SNAP23: variants seen among roughly 807,000 people sequenced by gnomAD.
The protein encoded by SNAP23 is synaptosomal-associated protein 23.
Under a neutral mutation model 29.0 loss-of-function variants are expected in SNAP23, and 11 were observed. That is an observed-to-expected ratio of 0.38 (90% CI 0.24 to 0.63). SNAP23 has a LOEUF of 0.63. SNAP23 is among the 20% of genes least tolerant of loss of function. SNAP23 has a pLI of 0.58. For missense variants in SNAP23, 220 were observed against 253.9 expected (o/e 0.87, Z 0.91); for synonymous variants, 60 against 82.9 (o/e 0.72, Z 1.50).
rs184339363 is a variant in SNAP23, at chr15:42,501,275, A to C, written c.-15+5562A>C. Reference sequence around the variant, plus strand: ...CACACACACATTATATTCCTGCCTCACCACTGAAGCCTTACATTGTGGCTT... The same window carrying C: ...CACACACACATTATATTCCTGCCTCCCCACTGAAGCCTTACATTGTGGCTT... On this transcript the variant is annotated intron_variant, in intron 1 of 7. Coordinates refer to ENST00000249647, the MANE Select transcript of SNAP23 (RefSeq NM_003825.4). Among the ~76,000 whole-genome samples, 216 of 152,330 alleles carry C rather than the reference A, an allele frequency of 1.4e-3. 1 individual carries two copies. Among genetic ancestry groups the C allele is most frequent in the Middle Eastern group, 0.01 (3 of 294 alleles).
intron 5 of SNAP23, chr15:42,521,624 A>G: frequency 6.6e-7 from 1 of 1,525,006 alleles, no homozygotes; most frequent in Non-Finnish European, 8.8e-7. Context: ...ATTTAACATC[A>G]GAAGCCGGGC....
intron 5 of SNAP23, among the ~76,000 whole-genome samples, chr15:42,525,451 C>CT (rs1158969519): frequency 0.012 from 565 of 47,090 alleles, 190 homozygotes; most frequent in African/African-American, 0.034. Flanking sequence ...ATCCAGTCTT[C>CT]TTTTTTTTTT....
intron 6 of SNAP23, among the ~76,000 whole-genome samples, chr15:42,529,069 A>C (rs8027207): frequency 0.047 from 7,213 of 152,286 alleles, 571 homozygotes; most frequent in African/African-American, 0.16. Flanking sequence ...ATCTGTAACG[A>C]GCCAGAGAGT....
chr15:42,512,926 G>C, intron 2 of SNAP23, 29 bp from the exon 3 acceptor site: 1 of 1,575,866 alleles, frequency 6.3e-7, no homozygotes, highest in Non-Finnish European at 8.7e-7. Flanking sequence ...ACATATTTTG[G>C]AATGCTAAAA....
chr15:42,515,393 G>A (rs1256102783), intron 5 of SNAP23, 39 bp downstream of exon 5: 2 of 1,264,480 alleles, frequency 1.6e-6, no homozygotes, highest in Admixed American at 3.6e-5. Context: ...AATAAGTAAT[G>A]AGAGTACCCC....
At chr15:42,499,261 G>T (rs1595513432) in intron 1 of SNAP23, among the ~76,000 whole-genome samples, 1 of 152,082 alleles carries the variant, frequency 6.6e-6, no homozygotes, top group African/African-American at 2.4e-5. Context: ...AGAGACGGAC[G>T]GGGTTTCTCC....
chr15:42,531,028 G>T (rs943272858), intron 7 of SNAP23, among the ~76,000 whole-genome samples: 1 of 152,162 alleles, frequency 6.6e-6, no homozygotes, highest in African/African-American at 2.4e-5. Context: ...ATCCAGATGA[G>T]ATTCTATGAT....
rs2057315127 is a variant in SNAP23, at chr15:42,506,096, C to T, written c.-14-5737C>T. Among the ~76,000 whole-genome samples, 2 of 150,328 alleles carry T rather than the reference C, an allele frequency of 1.3e-5. 1 individual carries two copies. Among genetic ancestry groups the T allele is most frequent in the South Asian group, 4.2e-4 (2 of 4,742 alleles). ...GAGTAGCTGGGACTACAGGCGCCCACCACCACACCTGGCTAATTTTTGTAT... is the reference window on the plus strand; with the variant it reads ...GAGTAGCTGGGACTACAGGCGCCCATCACCACACCTGGCTAATTTTTGTAT... On this transcript the variant is annotated intron_variant, in intron 1 of 7. Coordinates refer to ENST00000249647, the MANE Select transcript of SNAP23 (RefSeq NM_003825.4).
At chr15:42,499,494 T>A (rs1434385821) in intron 1 of SNAP23, among the ~76,000 whole-genome samples, 2 of 152,198 alleles carry the variant, frequency 1.3e-5, no homozygotes, top group Non-Finnish European at 1.5e-5. Context: ...ACCACCATCA[T>A]AATTTTTGCC....
intron 4 of SNAP23, among the ~76,000 whole-genome samples, chr15:42,514,400 C>T (rs1179393551): frequency 6.7e-6 from 1 of 149,302 alleles, no homozygotes; most frequent in Non-Finnish European, 1.5e-5. Flanking sequence ...CCGCCCACGT[C>T]GGCCTCCCGA....
chr15:42,493,535 C>A (rs1176869994), upstream of SNAP23, among the ~76,000 whole-genome samples: 1 of 152,042 alleles, frequency 6.6e-6, no homozygotes, highest in African/African-American at 2.4e-5. Context: ...GGAATTATAT[C>A]AATGACCATC....
At chr15:42,509,230 C>G (rs746863635) in intron 1 of SNAP23, among the ~76,000 whole-genome samples, 10 of 152,082 alleles carry the variant, frequency 6.6e-5, no homozygotes, top group Non-Finnish European at 1.5e-4. Context: ...TATGATAAAG[C>G]TTAAGACTCA....
intron 6 of SNAP23, 108 bp from the exon 7 acceptor site, chr15:42,529,567 C>A: frequency 3.6e-6 from 4 of 1,121,206 alleles, no homozygotes; most frequent in Non-Finnish European, 5.1e-6. Context: ...TCTTTTGGAT[C>A]TTATACTTGC....
chr15:42,494,129 CAA>C (rs2057195638), upstream of SNAP23, among the ~76,000 whole-genome samples: 1 of 151,928 alleles, frequency 6.6e-6, no homozygotes, highest in African/African-American at 2.4e-5. Flanking sequence ...ATCAAAAAAA[CAA>C]AAACAAAAAA....
At chr15:42,506,225 G>A (rs565573638) in intron 1 of SNAP23, among the ~76,000 whole-genome samples, 97 of 151,904 alleles carry the variant, frequency 6.4e-4, no homozygotes, top group African/African-American at 2.2e-3. Flanking sequence ...GATTATAGGC[G>A]TGAGCCACTG....
intron 7 of SNAP23, among the ~76,000 whole-genome samples, chr15:42,531,131 G>A (rs2057560904): frequency 6.6e-6 from 1 of 152,144 alleles, no homozygotes; most frequent in Admixed American, 6.5e-5. Context: ...TTGATTACAG[G>A]ATGCATCCCA....
chr15:42,508,554 T>TCC (rs2057333693), intron 1 of SNAP23, among the ~76,000 whole-genome samples: 3 of 152,244 alleles, frequency 2.0e-5, no homozygotes, highest in East Asian at 3.9e-4. Context: ...AAGAAAAAAA[T>TCC]ATTAAGCAGA....
chr15:42,496,330 A>G (rs2057219454), intron 1 of SNAP23, among the ~76,000 whole-genome samples: 1 of 152,176 alleles, frequency 6.6e-6, no homozygotes, highest in East Asian at 1.9e-4. Flanking sequence ...TGGGAGAGGA[A>G]AAAAAAGTCA....
upstream of SNAP23, chr15:42,492,876 A>G (rs2057185317): frequency 6.6e-6 from 1 of 152,212 alleles, no homozygotes; most frequent in Non-Finnish European, 1.5e-5. Context: ...CAATGGAGGA[A>G]CTATTTTACC....
Sources: gnomAD v4.1 joint callset for allele counts (sites outside exome capture counted in the v4.1 genomes callset) on GRCh38, gnomAD v4.1.1 for gene constraint, MANE v1.5 for transcripts, NCBI Gene and HGNC (gene_info 2026-07-23, HGNC 2026-07-21) for gene names.